Variants in CCND3 observed in about 807,000 individuals in gnomAD.
CCND3 encodes the protein G1/S-specific cyclin-D3.
CCND3 carries 9 observed loss-of-function variants against 28.7 expected under a neutral mutation model. That is an observed-to-expected ratio of 0.31 (90% confidence interval 0.19 to 0.55). The LOEUF (loss-of-function observed/expected upper bound fraction) is 0.55, where lower values mean the gene tolerates loss of function less well. CCND3 is among the 20% of genes least tolerant of loss of function. The pLI is 0.93. For missense variants in CCND3, 315 were observed against 385.8 expected (o/e 0.82, Z 1.54); for synonymous variants, 164 against 163.9 (o/e 1.00, Z 0.00).
intron 1 of CCND3, among the ~76,000 whole-genome samples, chr6:42,028,944 A>T (rs1763963924): frequency 6.6e-6 from 1 of 150,640 alleles, no homozygotes; most frequent in Admixed American, 6.6e-5. Context: ...AACTTGGTTA[A>T]TGCTCTGTCA....
rs1238860882 is a variant in CCND3 at position 41,951,575 on chromosome 6, C to CACAAAAAA, written c.-45-10991_-45-10990insTTTTTTGT. Among the ~76,000 whole-genome samples the CACAAAAAA allele has an allele frequency of 2.6e-4, 18 of 70,186 alleles. No homozygotes were observed. The Admixed American group carries it at 2.7e-3, about 10-fold the overall frequency. The allele number at this position is 70,186 out of a possible 152,430, so 46.0% of individuals were successfully genotyped here. On this transcript the variant is annotated intron_variant, in intron 1 of 4. Coordinates refer to the CCND3 transcript ENST00000372988. Reference sequence around the variant, plus strand: ...ACACACACACACACACACACACACACAAAAAAAAAGATTAAGTGGGAGTAA... The same window carrying CACAAAAAA: ...ACACACACACACACACACACACACACACAAAAAAAAAAAAAAAGATTAAGTGGGAGTAA...
At chr6:42,009,829 C>T (rs1441595473) in intron 1 of CCND3, among the ~76,000 whole-genome samples, 1 of 151,868 alleles carries the variant, frequency 6.6e-6, no homozygotes, top group African/African-American at 2.4e-5. Context: ...CAAACAAAAA[C>T]CTTAAGGGGA....
intron 1 of CCND3, among the ~76,000 whole-genome samples, chr6:42,036,401 ATATTTTTTT>A (rs1764217827): frequency 2.9e-5 from 1 of 34,016 alleles, no homozygotes; most frequent in African/African-American, 1.1e-4. Flanking sequence ...ATATATATAT[ATATTTTTTT>A]TTTTTTTTTT....
chr6:42,013,747 A>G (rs529439891), intron 1 of CCND3, among the ~76,000 whole-genome samples: 1 of 152,330 alleles, frequency 6.6e-6, no homozygotes, highest in African/African-American at 2.4e-5. Flanking sequence ...TCTACATTTC[A>G]GCAGTCCCTT....
rs552309459 is a variant in CCND3, at chr6:42,043,310, G to C, written c.-46+5191C>G. Reference sequence around the variant, plus strand: ...CCCAGCACTTCGGGAGGCCGAGGCGGATGGATCCTGAGGTCAGGAATTCAA... The same window carrying C: ...CCCAGCACTTCGGGAGGCCGAGGCGCATGGATCCTGAGGTCAGGAATTCAA... On this transcript the variant is annotated intron_variant, in intron 1 of 4. Transcript: ENST00000372988. 7.2e-4 allele frequency among the ~76,000 whole-genome samples: 109 copies of C among 152,358 alleles called. 1 individual carries two copies. In the Middle Eastern group the frequency reaches 0.014, roughly 19 times the overall value.
At chr6:41,975,926 C>G (rs1010160213) in intron 1 of CCND3, among the ~76,000 whole-genome samples, 1 of 151,842 alleles carries the variant, frequency 6.6e-6, no homozygotes, top group Non-Finnish European at 1.5e-5. Context: ...ACTGCAGCCT[C>G]GAACTCTCAG....
intron 1 of CCND3, among the ~76,000 whole-genome samples, chr6:41,960,611 C>T (rs2127404077): frequency 6.6e-6 from 1 of 152,230 alleles, no homozygotes; most frequent in South Asian, 2.1e-4. Context: ...CTATCTACCT[C>T]AGAGGGCATG....
chr6:42,004,000 T>TA (rs1204691980), intron 1 of CCND3, among the ~76,000 whole-genome samples: 1 of 148,174 alleles, frequency 6.7e-6, no homozygotes, highest in Non-Finnish European at 1.5e-5. Flanking sequence ...AAAACTTAGG[T>TA]AATATGATCA....
intron 1 of CCND3, among the ~76,000 whole-genome samples, chr6:42,006,693 G>A (rs1031983239): frequency 1.1e-4 from 17 of 152,116 alleles, no homozygotes; most frequent in African/African-American, 4.1e-4. Context: ...TGGGTCACGA[G>A]GTCAGGAGAT....
At chr6:41,967,902 C>T (rs1408526078) in intron 1 of CCND3, among the ~76,000 whole-genome samples, 1 of 152,160 alleles carries the variant, frequency 6.6e-6, no homozygotes, top group South Asian at 2.1e-4. Flanking sequence ...TCCAGCCTTC[C>T]CTTGAGTAGG....
upstream of CCND3, among the ~76,000 whole-genome samples, chr6:41,943,938 A>G (rs1776104576): frequency 6.6e-6 from 1 of 152,216 alleles, no homozygotes; most frequent in Non-Finnish European, 1.5e-5. Flanking sequence ...TCTCAAAGAT[A>G]TTAACCCTTT....
intron 1 of CCND3, among the ~76,000 whole-genome samples, chr6:42,016,879 C>T (rs570302523): frequency 1.3e-5 from 2 of 152,312 alleles, no homozygotes; most frequent in South Asian, 4.1e-4. Context: ...GCCACCACAA[C>T]CAGTCTATTA....
chr6:41,975,998 G>T (rs1339868921), intron 1 of CCND3, among the ~76,000 whole-genome samples: 1 of 151,884 alleles, frequency 6.6e-6, no homozygotes, highest in Non-Finnish European at 1.5e-5. Flanking sequence ...GAGCCCAAAA[G>T]TTCAAGACCA....
intron 1 of CCND3, among the ~76,000 whole-genome samples, chr6:41,975,027 C>T (rs1416438481): frequency 1.3e-5 from 2 of 151,904 alleles, no homozygotes; most frequent in South Asian, 2.1e-4. Flanking sequence ...CTCCTGACCT[C>T]ATGATCCACC....
intron 1 of CCND3, among the ~76,000 whole-genome samples, chr6:41,949,939 CA>C (rs1210490186): frequency 0.022 from 2,767 of 128,190 alleles, 24 homozygotes; most frequent in South Asian, 0.028. Context: ...CTAAAAATAT[CA>C]AAAAAAAAAA....
rs2127389444 is a variant in CCND3, at chr6:41,936,005, C to A, written c.814G>T (p.Gly272Cys). 1 of 1,613,500 alleles carries A rather than the reference C, an allele frequency of 6.2e-7. No individual in the cohort carries two copies. Among genetic ancestry groups the A allele is most frequent in the Non-Finnish European group, 8.5e-7 (1 of 1,179,790 alleles). Residue 272 changes from glycine to cysteine, a missense_variant, in exon 5 of 5, where the codon GGC becomes TGC. Coordinates refer to ENST00000372991, the MANE Select transcript of CCND3 (RefSeq NM_001760.5). The surrounding 1 kb of genome is among the most constrained non-coding windows in gnomAD (Gnocchi z 4.4). ...SSSPAPKAPR[G>C]SSSQGPSQTS... Reference sequence around the variant, plus strand: ...TGGCTGGGCCCTTGGCTGCTGGAGCCCCGGGGGGCTTTGGGCGCTGGGCTG... The same window carrying A: ...TGGCTGGGCCCTTGGCTGCTGGAGCACCGGGGGGCTTTGGGCGCTGGGCTG...
At chr6:42,035,325 C>G (rs1187180337) in intron 1 of CCND3, among the ~76,000 whole-genome samples, 1 of 152,180 alleles carries the variant, frequency 6.6e-6, no homozygotes, top group South Asian at 2.1e-4. Flanking sequence ...CAGCTCACCC[C>G]CTTGTTTCCA....
At position 41,936,295 on chromosome 6, in the gene CCND3, C is replaced by T; in HGVS notation, c.712-188G>A. On this transcript the variant is annotated intron_variant, in intron 4 of 4. Coordinates refer to ENST00000372991, the MANE Select transcript of CCND3 (RefSeq NM_001760.5). The surrounding 1 kb of genome is among the most constrained non-coding windows in gnomAD (Gnocchi z 4.4). Reference sequence around the variant, plus strand: ...TGTGGCAAGGGAGTGTGAGAGCAGCCCTGCATCTGACACCAAACCCCCCAC... The same window carrying T: ...TGTGGCAAGGGAGTGTGAGAGCAGCTCTGCATCTGACACCAAACCCCCCAC... The T allele has an allele frequency of 1.4e-6, 1 of 696,138 alleles. No homozygotes were observed. Among genetic ancestry groups the T allele is most frequent in the Non-Finnish European group, 2.3e-6 (1 of 428,022 alleles). The allele number at this position is 696,138 out of a possible 1,614,324, so 43.1% of individuals were successfully genotyped here. A position where few individuals can be genotyped will look rare whatever the true frequency, so the allele number is the denominator to read the frequency against.
chr6:42,020,049 C>T (rs911696410), intron 1 of CCND3, among the ~76,000 whole-genome samples: 4 of 152,208 alleles, frequency 2.6e-5, no homozygotes, highest in Admixed American at 1.3e-4. Flanking sequence ...GAGGCCGAGG[C>T]GGGCGGATCA....
Sources: gnomAD v4.1 joint callset for allele counts (sites outside exome capture counted in the v4.1 genomes callset) on GRCh38, gnomAD v4.1.1 for gene constraint, Gnocchi (gnomAD v3.1) non-coding constraint, MANE v1.5 for transcripts, NCBI Gene and HGNC (gene_info 2026-07-23, HGNC 2026-07-21) for gene names.